The following PCDH9 variants were observed in gnomAD, a reference collection of about 807,000 sequenced individuals.
The protein encoded by PCDH9 is protocadherin 9.
In PCDH9, 24 loss-of-function variants were observed where a neutral mutation model predicts 70.6. The observed-to-expected ratio is 0.34, with a 90% CI of 0.25 to 0.48. The LOEUF (loss-of-function observed/expected upper bound fraction) is 0.48, where lower values mean the gene tolerates loss of function less well. Ranked by LOEUF, PCDH9 falls within the 20% of genes least tolerant of loss-of-function variation. The pLI is 0.99. For missense variants in PCDH9, 1,281 were observed against 1,503.6 expected, an observed-to-expected ratio of 0.85 and a Z score of 2.45; for synonymous variants, 562 against 558.5, an observed-to-expected ratio of 1.01 and a Z score of -0.09.
chr13:66,925,744 G>A (rs1466776871), intron 2 of PCDH9, among the ~76,000 whole-genome samples: 1 of 151,736 alleles, frequency 6.6e-6, no homozygotes, highest in East Asian at 1.9e-4. Context: ...ATAATAATAT[G>A]TAATAAAATA....
chr13:66,776,223 C>T (rs1008388593), intron 3 of PCDH9, among the ~76,000 whole-genome samples: 15 of 151,390 alleles, frequency 9.9e-5, no homozygotes, highest in Middle Eastern at 3.4e-3. Flanking sequence ...TGGCACAAGA[C>T]AGGGATGCCC....
At chr13:66,341,749 CA>C (rs11316379) in intron 4 of PCDH9, among the ~76,000 whole-genome samples, 139,182 of 152,130 alleles carry the variant, frequency 0.91, 64,728 homozygotes, top group Non-Finnish European at 1. Context: ...CCTGTACTAA[CA>C]GGCACAGGAC....
chr13:66,430,837 T>C (rs73510004), intron 4 of PCDH9, among the ~76,000 whole-genome samples: 14,318 of 152,112 alleles, frequency 0.094, 836 homozygotes, highest in African/African-American at 0.15. Flanking sequence ...AAAGGGTCTG[T>C]AGTGTGGGTA....
chr13:66,884,883 T>G (rs1224862722), intron 3 of PCDH9, among the ~76,000 whole-genome samples: 2 of 152,186 alleles, frequency 1.3e-5, no homozygotes, highest in Non-Finnish European at 2.9e-5. Flanking sequence ...CTCTCAAAAA[T>G]ATTTTAAAGC....
At chr13:66,616,665 C>G (rs556821206) in intron 4 of PCDH9, among the ~76,000 whole-genome samples, 2 of 151,964 alleles carry the variant, frequency 1.3e-5, no homozygotes, top group South Asian at 4.1e-4. Flanking sequence ...AATAGGATGA[C>G]TATCACTTGG....
rs1303010293 is a variant in PCDH9 at position 66,730,887 on chromosome 13, G to GTTTTGTTT, written c.3139-99477_3139-99476insAAACAAAA. On this transcript the variant is annotated intron_variant, in intron 3 of 4. Transcript: ENST00000377865. ...TTTTGTGTGTGTGTGTTTTTTTTTT[G>GTTTTGTTT]TTTGTTTCTTTTTTTTTGTGGAGAC... Among the ~76,000 whole-genome samples, 35 of 60,758 alleles carry GTTTTGTTT rather than the reference G, an allele frequency of 5.8e-4. 2 individuals are homozygous for GTTTTGTTT. Among genetic ancestry groups the GTTTTGTTT allele is most frequent in the African/African-American group, 2.1e-3 (34 of 16,036 alleles). The allele number at this position is 60,758 out of a possible 152,430, so 39.9% of individuals were successfully genotyped here.
chr13:66,407,800 T>C (rs1353747638), intron 4 of PCDH9, among the ~76,000 whole-genome samples: 2 of 152,116 alleles, frequency 1.3e-5, no homozygotes, highest in Admixed American at 1.3e-4. Flanking sequence ...AAATTTTTAT[T>C]TTTTTAGACA....
intron 4 of PCDH9, among the ~76,000 whole-genome samples, chr13:66,500,905 C>G (rs554599227): frequency 6.6e-6 from 1 of 152,104 alleles, no homozygotes; most frequent in Admixed American, 6.5e-5. Context: ...TTCCCTATAT[C>G]CACATAGCAA....
intron 4 of PCDH9, among the ~76,000 whole-genome samples, chr13:66,519,997 G>A (rs1016447131): frequency 6.6e-6 from 1 of 152,076 alleles, no homozygotes; most frequent in Non-Finnish European, 1.5e-5. Context: ...TTCTGCCAAA[G>A]CAGCAATCCA....
intron 3 of PCDH9, among the ~76,000 whole-genome samples, chr13:66,672,523 G>T (rs572170217): frequency 3.9e-5 from 6 of 152,198 alleles, no homozygotes; most frequent in Non-Finnish European, 7.3e-5. Context: ...CCCCACTGGG[G>T]CACTGTCTAA....
At chr13:66,852,422 C>A (rs938054004) in intron 3 of PCDH9, among the ~76,000 whole-genome samples, 2 of 152,000 alleles carry the variant, frequency 1.3e-5, no homozygotes, top group African/African-American at 4.8e-5. Context: ...TCTACTTAAA[C>A]CCTATAAAGG....
At chr13:66,512,282 T>TTA (rs35496834) in intron 4 of PCDH9, among the ~76,000 whole-genome samples, 23,584 of 144,190 alleles carry the variant, frequency 0.16, 2,083 homozygotes, top group Middle Eastern at 0.25. Context: ...ACCTTAGGAA[T>TTA]TATATATATA....
At position 66,794,056 on chromosome 13, in the gene PCDH9, T is replaced by C. The variant is rs372426649; in HGVS notation, c.3138+109448A>G. Among the ~76,000 whole-genome samples, 192 of 152,304 alleles carry C rather than the reference T, an allele frequency of 1.3e-3. No homozygotes were observed. The Middle Eastern group carries it at 0.017, about 13-fold the overall frequency. On this transcript the variant is annotated intron_variant, in intron 3 of 4. Coordinates refer to ENST00000377865, the MANE Select transcript of PCDH9 (RefSeq NM_203487.3). ...CACTTAAGGCAGACATAAAGGTAACTGAAGAACTCCACTGTCATGTATAAT... is the reference window on the plus strand; with the variant it reads ...CACTTAAGGCAGACATAAAGGTAACCGAAGAACTCCACTGTCATGTATAAT...
At chr13:66,925,707 C>G (rs566138472) in intron 2 of PCDH9, among the ~76,000 whole-genome samples, 4 of 151,684 alleles carry the variant, frequency 2.6e-5, no homozygotes, top group African/African-American at 9.7e-5. Context: ...TTTATCAAAA[C>G]GTTTATACAA....
chr13:67,176,524 C>CA (rs71691968), intron 2 of PCDH9, among the ~76,000 whole-genome samples: 27,534 of 150,554 alleles, frequency 0.18, 2,579 homozygotes, highest in East Asian at 0.21. Flanking sequence ...TAAAAATAAA[C>CA]AAAAAAAAAA....
At chr13:66,614,606 C>A (rs933256071) in intron 4 of PCDH9, among the ~76,000 whole-genome samples, 2 of 152,112 alleles carry the variant, frequency 1.3e-5, no homozygotes, top group Admixed American at 6.5e-5. Context: ...TTGTCTTCCC[C>A]GGAAGCAGGC....
intron 4 of PCDH9, among the ~76,000 whole-genome samples, chr13:66,627,576 G>A (rs548125789): frequency 2.5e-3 from 378 of 152,242 alleles, no homozygotes; most frequent in African/African-American, 8.7e-3. Context: ...CTGGCCTCTA[G>A]GGGCTCCCAG....
chr13:66,778,026 G>A (rs1420414541), intron 3 of PCDH9, among the ~76,000 whole-genome samples: 3 of 149,630 alleles, frequency 2.0e-5, no homozygotes, highest in East Asian at 2.0e-4. Context: ...GTAAACTATC[G>A]CAAGAACAAA....
In PCDH9 at chr13:66,760,494, G is replaced by A. The variant is rs563050059; in HGVS notation, c.3139-129083C>T. On this transcript the variant is annotated intron_variant, in intron 3 of 4. Coordinates refer to ENST00000377865, the MANE Select transcript of PCDH9 (RefSeq NM_203487.3). ...AATACTTTTATAATTTCCTATGCCT[G>A]TCTTTACTTTAATCTCTTAATCCCG... Among the ~76,000 whole-genome samples the A allele has an allele frequency of 2.4e-4, 36 of 152,218 alleles. No homozygotes were observed. In the East Asian group the frequency reaches 5.2e-3, roughly 22 times the overall value.
Sources: gnomAD v4.1 joint callset for allele counts (sites outside exome capture counted in the v4.1 genomes callset) on GRCh38, gnomAD v4.1.1 for gene constraint, MANE v1.5 for transcripts, NCBI Gene and HGNC (gene_info 2026-07-23, HGNC 2026-07-21) for gene names.